MEGF6: variants seen among roughly 807,000 people sequenced by gnomAD.
MEGF6 encodes multiple epidermal growth factor-like domains protein 6.
Under a neutral mutation model 207.1 loss-of-function variants are expected in MEGF6, and 184 were observed. The ratio of observed to expected loss-of-function variants is 0.89; its 90% CI spans 0.79 to 1.00. The LOEUF is 1.00. MEGF6 is among the 50% of genes least tolerant of loss of function. The pLI is 0.00. For missense variants in MEGF6, 2,282 were observed against 2,202.9 expected (o/e 1.04, Z -0.72); for synonymous variants, 1,038 against 910.0 (o/e 1.14, Z -2.53).
Position 3,509,197 on chromosome 1 carries a change from C to A in MEGF6, c.1406G>T (p.Arg469Leu). 6.4e-7 allele frequency: 1 copy of A among 1,567,634 alleles called. No homozygotes were observed. Among genetic ancestry groups the A allele is most frequent in the East Asian group, 2.4e-5 (1 of 42,116 alleles). ...GAGCACGGCAATGTGGGGCAGGGGC[C>A]GCACGAAAGGCAGCTCGCCGTCCAG... ...VDLDGELPFVRPLPHIAVLQD... is the reference protein window; with the variant it reads ...VDLDGELPFVLPLPHIAVLQD... The change falls in exon 12 of 37, where the codon CGG becomes CTG. Residue 469 changes from arginine to leucine, a missense_variant. Physicochemically the swap from Arg to Leu is moderately radical, Grantham distance 102. Coordinates refer to ENST00000356575, the MANE Select transcript of MEGF6 (RefSeq NM_001409.4).
At chr1:3,593,272 C>G (rs1176838980) in intron 3 of MEGF6, among the ~76,000 whole-genome samples, 2 of 152,160 alleles carry the variant, frequency 1.3e-5, no homozygotes, top group African/African-American at 2.4e-5. Flanking sequence ...AGCCCCTGCC[C>G]TCAAGCCTGA....
chr1:3,549,016 G>C (rs1337205752), intron 4 of MEGF6, among the ~76,000 whole-genome samples: 2 of 152,118 alleles, frequency 1.3e-5, no homozygotes, highest in African/African-American at 4.8e-5. Flanking sequence ...CCCAACCCCA[G>C]CATCTCCATG....
At chr1:3,580,333 C>A (rs1643764228) in intron 3 of MEGF6, among the ~76,000 whole-genome samples, 1 of 152,054 alleles carries the variant, frequency 6.6e-6, no homozygotes, top group Admixed American at 6.5e-5. Context: ...GGCTGAGGAC[C>A]CCCCTCAAGA....
chr1:3,569,616 C>T (rs370828145), intron 4 of MEGF6, among the ~76,000 whole-genome samples: 4 of 152,228 alleles, frequency 2.6e-5, no homozygotes, highest in East Asian at 1.9e-4. Flanking sequence ...TGGGGGGCCA[C>T]GGGGTCTCCG....
chr1:3,563,762 C>T (rs1329035444), intron 4 of MEGF6, among the ~76,000 whole-genome samples: 2 of 152,182 alleles, frequency 1.3e-5, no homozygotes, highest in African/African-American at 2.4e-5. Context: ...GCAAGTCCTG[C>T]TCCCATTCTA....
Position 3,603,303 on chromosome 1 carries a change from C to T in MEGF6, c.132-703G>A, listed in dbSNP as rs75869562. 7.4e-3 allele frequency among the ~76,000 whole-genome samples: 1,119 copies of T among 151,862 alleles called. 18 individuals carry two copies. In the East Asian group the frequency reaches 0.086, roughly 12 times the overall value. ...AGGTGGAGAAAGGACTCAGGCCCTG[C>T]GGGGGGAAGGGTCAGAGGGAGGGAC... On this transcript the variant is annotated intron_variant, in intron 1 of 36. Coordinates refer to ENST00000356575, the MANE Select transcript of MEGF6 (RefSeq NM_001409.4).
At chr1:3,599,602 G>A (rs560782992) in intron 2 of MEGF6, among the ~76,000 whole-genome samples, 92 of 152,252 alleles carry the variant, frequency 6.0e-4, no homozygotes, top group Non-Finnish European at 9.1e-4. Flanking sequence ...GGTGCCTGCC[G>A]CCAAGCCTAG....
chr1:3,550,907 C>G (rs1642864251), intron 4 of MEGF6, among the ~76,000 whole-genome samples: 4 of 152,274 alleles, frequency 2.6e-5, no homozygotes, highest in Admixed American at 2.6e-4. Context: ...ACGGGTGTGA[C>G]AGTGGGGCTC....
At chr1:3,592,864 G>A (rs1644002016) in intron 3 of MEGF6, among the ~76,000 whole-genome samples, 1 of 152,216 alleles carries the variant, frequency 6.6e-6, no homozygotes, top group South Asian at 2.1e-4. Context: ...AAAACAAGAA[G>A]AAAGCCAAAG....
In MEGF6 at chr1:3,508,610, G is replaced by T. The variant is rs377399231; in HGVS notation, c.1608C>A (p.Gly536=). Residue 536 remains glycine (G), a synonymous_variant, in exon 13 of 37, where the codon GGC becomes GGA. Transcript: ENST00000356575. ...CCTCGGGGCAATCACAGCCATCCAG[G>T]CCCAGGAGGCAGGTCCCTCCGTTCC... ...DCRNGGTCLL[G]LDGCDCPEGW... 1 of 1,613,396 alleles carries T rather than the reference G, an allele frequency of 6.2e-7. No individual in the cohort carries two copies. The highest frequency in any genetic ancestry group is 1.3e-5 in the African/African-American group (1 of 74,922).
At chr1:3,595,309 G>A in intron 3 of MEGF6, 29 bp downstream of exon 3, 2 of 1,521,696 alleles carry the variant, frequency 1.3e-6, no homozygotes, top group East Asian at 2.3e-5. Context: ...GAGGTGGAGG[G>A]AGGGCGGGGA....
chr1:3,569,442 C>T (rs1176381039), intron 4 of MEGF6, among the ~76,000 whole-genome samples: 1 of 152,238 alleles, frequency 6.6e-6, no homozygotes, highest in Non-Finnish European at 1.5e-5. Flanking sequence ...AGCCCCACAC[C>T]CGGATGCCAT....
chr1:3,596,975 C>G (rs193055089), intron 2 of MEGF6, among the ~76,000 whole-genome samples: 1 of 152,136 alleles, frequency 6.6e-6, no homozygotes, highest in Non-Finnish European at 1.5e-5. Context: ...TCTTCCAACT[C>G]GAGCTGCCCC....
At chr1:3,549,909 G>A (rs1160006480) in intron 4 of MEGF6, among the ~76,000 whole-genome samples, 2 of 152,188 alleles carry the variant, frequency 1.3e-5, no homozygotes, top group African/African-American at 4.8e-5. Context: ...TCGAAGGTCA[G>A]AACCAGGCTA....
intron 30 of MEGF6, 39 bp from the exon 31 acceptor site, chr1:3,494,780 G>C: frequency 6.6e-7 from 1 of 1,514,734 alleles, no homozygotes. Flanking sequence ...AGCTCTGGCC[G>C]AGGGCTGGGC....
intron 9 of MEGF6, 142 bp from the exon 10 acceptor site, chr1:3,511,044 C>A: frequency 8.1e-7 from 1 of 1,227,220 alleles, no homozygotes; most frequent in Admixed American, 2.6e-5. Context: ...CGTGTGCACA[C>A]CGACATTCAT....
Position 3,595,380 on chromosome 1 carries a change from G to A in MEGF6, c.334C>T (p.Arg112Ter), listed in dbSNP as rs372510942. 2.5e-5 allele frequency: 40 copies of A among 1,611,722 alleles called. No homozygotes were observed. Among genetic ancestry groups the A allele is most frequent in the Admixed American group, 8.3e-5 (5 of 59,954 alleles). The stretch of plus-strand genomic sequence containing the variant: ...TCGTCGGGCTGCTGCATCCACCCTC[G>A]GCAGCACCTGAGCACGGTCCGGGCC... ...TEARTVLRCC[R>*]GWMQQPDEEG... Residue 112 changes from arginine (R) to a stop codon, truncating the protein, a stop_gained, in exon 3 of 37, where the codon CGA (arginine) becomes TGA (stop). Transcript: ENST00000356575. LOFTEE classifies it high-confidence loss of function.
In MEGF6 at chr1:3,500,958, C is replaced by T; in HGVS notation, c.2575+8G>A. The T allele has an allele frequency of 1.2e-6, 2 of 1,611,242 alleles. No individual in the cohort carries two copies. The highest frequency in any genetic ancestry group is 1.7e-6 in the Non-Finnish European group (2 of 1,179,926). ...TCTGGACAAAGGGCAAGCCAAGGGC[C>T]CCCGTACCTCTCTGGCAGCTAAAGC... On this transcript the variant is annotated splice_region_variant and intron_variant, in intron 20 of 36. Transcript: ENST00000356575.
intron 21 of MEGF6, 116 bp downstream of exon 21, chr1:3,500,517 C>CGT: frequency 1.4e-6 from 2 of 1,396,994 alleles, no homozygotes; most frequent in Non-Finnish European, 1.9e-6. Context: ...CCAAAGGCTT[C>CGT]GTGTGTGTGC....
Sources: gnomAD v4.1 joint callset for allele counts (sites outside exome capture counted in the v4.1 genomes callset) on GRCh38, gnomAD v4.1.1 for gene constraint, MANE v1.5 for transcripts, NCBI Gene and HGNC (gene_info 2026-07-23, HGNC 2026-07-21) for gene names.